The following SEM1 variants were observed in gnomAD, a reference collection of about 807,000 sequenced individuals.
SEM1 encodes 26S proteasome complex subunit SEM1.
A neutral mutation model predicts 12.7 loss-of-function variants in SEM1; 3 were observed. The ratio of observed to expected loss-of-function variants is 0.24; its 90% CI spans 0.11 to 0.61. The LOEUF is 0.61. Among genes scored for constraint, SEM1 ranks in the 20% least tolerant of loss-of-function variants. The probability of loss-of-function intolerance (pLI) is 0.88; values close to 1 mark genes in which losing one functional copy is unlikely to be tolerated. For synonymous variants in SEM1, 30 were observed against 27.8 expected, an observed-to-expected ratio of 1.08 and a Z score of -0.25; for missense variants, 59 against 81.3, an observed-to-expected ratio of 0.73 and a Z score of 1.06.
rs141693742 is a variant in SEM1 at position 96,698,718 on chromosome 7, A to G, written c.77-3827T>C. Among the ~76,000 whole-genome samples, 805 of 152,254 alleles carry G rather than the reference A, an allele frequency of 5.3e-3. 9 individuals carry two copies. The highest frequency in any genetic ancestry group is 0.018 in the African/African-American group (737 of 41,556). ...CTTTGCTATTGTGAATAGTGCTTCA[A>G]TAAACATTCATGTGCATGCGTCTTT... is the stretch of plus-strand genomic sequence containing the variant. On this transcript the variant is annotated intron_variant, in intron 1 of 2. Transcript: ENST00000248566.
chr7:96,496,177 TTAGA>T (rs1485181142), intron 1 of SEM1: 1 of 673,426 alleles, frequency 1.5e-6, no homozygotes, highest in Non-Finnish European at 2.5e-6. Context: ...TTTTAACTCG[TTAGA>T]TAGTTAAAAT....
chr7:96,517,778 T>G (rs1053074256), intron 2 of SEM1, among the ~76,000 whole-genome samples: 1 of 152,124 alleles, frequency 6.6e-6, no homozygotes, highest in African/African-American at 2.4e-5. Flanking sequence ...TCCCAATATG[T>G]TATATGTTTA....
intron 2 of SEM1, among the ~76,000 whole-genome samples, chr7:96,612,042 A>G (rs930031784): frequency 6.6e-6 from 1 of 152,144 alleles, no homozygotes; most frequent in South Asian, 2.1e-4. Context: ...CTAATTTGCT[A>G]TGTATAATTG....
In SEM1 at chr7:96,585,672, C is replaced by T. The variant is rs533423713; in HGVS notation, c.171-78974G>A. Among the ~76,000 whole-genome samples the T allele has an allele frequency of 9.7e-3, 1,474 of 152,318 alleles. 32 individuals are homozygous for T. Among genetic ancestry groups the T allele is most frequent in the African/African-American group, 0.034 (1,400 of 41,570 alleles). On this transcript the variant is annotated intron_variant and NMD_transcript_variant, in intron 2 of 3. Coordinates refer to the SEM1 transcript ENST00000466986. ...AGGTGCGGGATATAATCTCCTGATG[C>T]GCTGTTTTTTAAGCCCGTCGGAAAA...
chr7:96,705,913 C>A (rs1456481319), intron 1 of SEM1, among the ~76,000 whole-genome samples: 1 of 151,848 alleles, frequency 6.6e-6, no homozygotes, highest in African/African-American at 2.4e-5. Flanking sequence ...AAAATGAAAT[C>A]TTCTCTAGAC....
chr7:96,518,604 T>C (rs1319989573), intron 2 of SEM1, among the ~76,000 whole-genome samples: 1 of 152,130 alleles, frequency 6.6e-6, no homozygotes, highest in African/African-American at 2.4e-5. Flanking sequence ...TTTCTCTGAA[T>C]TTATATTCAT....
chr7:96,640,914 A>G lies in SEM1; in HGVS notation c.171-18271T>C, dbSNP rs1018247280. Among the ~76,000 whole-genome samples the G allele has an allele frequency of 4.6e-4, 70 of 152,106 alleles. No homozygotes were observed. The highest frequency in any genetic ancestry group is 5.9e-5 in the Non-Finnish European group (4 of 67,956). ...CTGCTCTAAAAAATATGGTTTCTTT[A>G]CAAAAAACTTAGAGTAATCTCACAC... On this transcript the variant is annotated intron_variant, in intron 2 of 2. Transcript: ENST00000417009. The surrounding 1 kb of genome is among the most constrained non-coding windows in gnomAD (Gnocchi z 4.0).
intron 2 of SEM1, among the ~76,000 whole-genome samples, chr7:96,518,940 C>A (rs940804794): frequency 2.0e-5 from 3 of 152,144 alleles, no homozygotes; most frequent in Non-Finnish European, 2.9e-5. Flanking sequence ...CATTGAATAA[C>A]TTTTCTTTTC....
intron 2 of SEM1, among the ~76,000 whole-genome samples, chr7:96,607,116 C>A (rs1014119511): frequency 4.6e-5 from 7 of 152,128 alleles, no homozygotes; most frequent in African/African-American, 1.7e-4. Flanking sequence ...TTATTAAGTA[C>A]CTATTATGTG....
intron 2 of SEM1, among the ~76,000 whole-genome samples, chr7:96,630,485 T>G (rs940371610): frequency 1.3e-5 from 2 of 152,114 alleles, no homozygotes; most frequent in African/African-American, 4.8e-5. Context: ...TTCAGTCAGC[T>G]TGTGGTGAAT....
rs79293907 is a variant in SEM1 at position 96,501,460 on chromosome 7, T to C, written c.*60+5163A>G. Among the ~76,000 whole-genome samples, 957 of 152,166 alleles carry C rather than the reference T, an allele frequency of 6.3e-3. 12 individuals are homozygous for C. Among genetic ancestry groups the C allele is most frequent in the African/African-American group, 0.022 (917 of 41,546 alleles). On this transcript the variant is annotated intron_variant and NMD_transcript_variant, in intron 3 of 3. Coordinates refer to the SEM1 transcript ENST00000466986. Reference sequence around the variant, plus strand: ...TTCACACACACACAAAAAAACCCAATCTTTTTTGATTAATCATTAACTTGA... The same window carrying C: ...TTCACACACACACAAAAAAACCCAACCTTTTTTGATTAATCATTAACTTGA...
At position 96,701,838 on chromosome 7, in the gene SEM1, T is replaced by C. The variant is rs892432819; in HGVS notation, c.77-6947A>G. Among the ~76,000 whole-genome samples, 4 of 152,236 alleles carry C rather than the reference T, an allele frequency of 2.6e-5. No homozygotes were observed. The East Asian group carries it at 7.7e-4, about 29-fold the overall frequency. ...CTGTAGATGAAAACATAAATTGGCA[T>C]AACCCTTCTCAAAGGCAATTTGAGA... On this transcript the variant is annotated intron_variant, in intron 1 of 2. Coordinates refer to ENST00000248566, the MANE Select transcript of SEM1 (RefSeq NM_006304.2).
At chr7:96,667,857 T>A in intron 2 of SEM1, among the ~76,000 whole-genome samples, 1 of 152,214 alleles carries the variant, frequency 6.6e-6, no homozygotes, top group East Asian at 1.9e-4. Flanking sequence ...TATGACCTGG[T>A]TAAAATTTCC....
downstream of SEM1, among the ~76,000 whole-genome samples, chr7:96,687,217 A>T (rs982509592): frequency 6.6e-5 from 10 of 152,202 alleles, no homozygotes; most frequent in Admixed American, 2.0e-4. Context: ...CCATTGTGGA[A>T]GTCAGTGTGG....
intron 1 of SEM1, among the ~76,000 whole-genome samples, chr7:96,486,961 A>G (rs1188018426): frequency 6.6e-6 from 1 of 152,150 alleles, no homozygotes; most frequent in Non-Finnish European, 1.5e-5. Flanking sequence ...TGTTCTTAGG[A>G]CCACATTCCC....
At chr7:96,651,533 C>A (rs1048667613) in intron 2 of SEM1, among the ~76,000 whole-genome samples, 7 of 152,112 alleles carry the variant, frequency 4.6e-5, no homozygotes, top group Non-Finnish European at 7.4e-5. Flanking sequence ...GAAGCTTCAA[C>A]CCACAGGGCT....
At chr7:96,490,005 G>A (rs1188280306) in intron 1 of SEM1, among the ~76,000 whole-genome samples, 1 of 152,054 alleles carries the variant, frequency 6.6e-6, no homozygotes, top group Non-Finnish European at 1.5e-5. Context: ...GGGGCATTGT[G>A]AGGAGACACA....
intron 2 of SEM1, among the ~76,000 whole-genome samples, chr7:96,666,218 C>A (rs1789167820): frequency 6.6e-6 from 1 of 152,158 alleles, no homozygotes; most frequent in African/African-American, 2.4e-5. Context: ...CATCCTTGTA[C>A]CCCAGATCTG....
downstream of SEM1, chr7:96,688,089 G>A (rs555595100): frequency 5.9e-5 from 9 of 152,164 alleles, no homozygotes; most frequent in African/African-American, 2.2e-4. Context: ...ATTTACATTT[G>A]AAAATATTCC....
Sources: allele counts gnomAD v4.1 joint callset (sites outside exome capture counted in the v4.1 genomes callset), GRCh38; gene constraint gnomAD v4.1.1; non-coding constraint Gnocchi (gnomAD v3.1); transcripts MANE v1.5; gene names NCBI Gene and HGNC (gene_info 2026-07-23, HGNC 2026-07-21).